DNAH7: variants seen among roughly 807,000 people sequenced by gnomAD.
DNAH7 encodes the protein dynein axonemal heavy chain 7.
A neutral mutation model predicts 444.6 loss-of-function variants in DNAH7; 397 were observed. The observed-to-expected ratio is 0.89, with a 90% CI of 0.82 to 0.97. The LOEUF is 0.97. DNAH7 is among the 50% of genes least tolerant of loss of function. DNAH7 has a pLI of 0.00. For missense variants in DNAH7, 4,902 were observed against 4,800.8 expected (o/e 1.02, Z -0.62); for synonymous variants, 1,636 against 1,624.4 (o/e 1.01, Z -0.17).
At chr2:195,789,173 T>G (rs1165989119) in intron 57 of DNAH7, among the ~76,000 whole-genome samples, 1 of 152,144 alleles carries the variant, frequency 6.6e-6, no homozygotes, top group Non-Finnish European at 1.5e-5. Flanking sequence ...ATAGAATTTT[T>G]TTTTTTAATA....
intron 57 of DNAH7, 44 bp from the exon 58 acceptor site, chr2:195,787,215 T>A (rs1695663675): frequency 6.5e-7 from 1 of 1,532,250 alleles, no homozygotes; most frequent in Admixed American, 2.2e-5. Context: ...TTTCTCCATA[T>A]ATTGCATTAT....
In DNAH7 at chr2:195,957,385, G is replaced by T. The variant is rs771853914; in HGVS notation, c.2954C>A (p.Ala985Asp). ...EILDEWLKVQATWLYLEPIFS... is the reference protein window; with the variant it reads ...EILDEWLKVQDTWLYLEPIFS... ...AATGGGCTCCAGATACAGCCACGTG[G>T]CTTGGACTTTGAGCCATTCATCCAG... The change falls in exon 19 of 65, where the codon GCC becomes GAC. Residue 985 changes from alanine to aspartate, a missense_variant. Physicochemically the swap from Ala to Asp is moderately radical, Grantham distance 126. Coordinates refer to ENST00000312428, the MANE Select transcript of DNAH7 (RefSeq NM_018897.3). 1.9e-6 allele frequency: 3 copies of T among 1,603,230 alleles called. No homozygotes were observed. The highest frequency in any genetic ancestry group is 2.6e-6 in the Non-Finnish European group (3 of 1,172,614).
intron 64 of DNAH7, among the ~76,000 whole-genome samples, chr2:195,738,381 C>A (rs1292528597): frequency 1.3e-5 from 2 of 151,630 alleles, no homozygotes; most frequent in Admixed American, 6.6e-5. Context: ...GCCACAATTA[C>A]CTGGGAAATG....
chr2:195,791,607 T>C (rs566951731), intron 57 of DNAH7, among the ~76,000 whole-genome samples: 6 of 152,270 alleles, frequency 3.9e-5, no homozygotes, highest in South Asian at 4.1e-4. Context: ...CATGAACTCA[T>C]ATATTCTCAG....
chr2:195,858,599 C>G lies in DNAH7; in HGVS notation c.7942G>C (p.Glu2648Gln). ...ATAGCTTGTTCATTCGCTATTGTTT[C>G]ATCAGCTTTCACTATTTTTTCAGTT... ...AKTEKIVKAD[E>Q]TIANEQAMAS... The change falls in exon 43 of 65, where the codon GAA becomes CAA. Residue 2648 changes from glutamate to glutamine, a missense_variant. Glu to Gln is a conservative substitution (Grantham distance 29, BLOSUM62 2). Transcript: ENST00000312428. The G allele has an allele frequency of 6.2e-7, 1 of 1,613,982 alleles. No individual in the cohort carries two copies. The highest frequency in any genetic ancestry group is 8.5e-7 in the Non-Finnish European group (1 of 1,179,944).
Position 195,852,915 on chromosome 2 carries a change from C to CACACAG in DNAH7, c.8781+427_8781+428insCTGTGT, listed in dbSNP as rs1553537158. On this transcript the variant is annotated intron_variant, in intron 46 of 64. Transcript: ENST00000312428. ...GTACACACACACACACACACACACA[C>CACACAG]AGAGAGAGAGAGAGAGAGAGAGAGA... 1.1e-4 allele frequency among the ~76,000 whole-genome samples: 9 copies of CACACAG among 84,696 alleles called. No individual in the cohort carries two copies. The South Asian group carries it at 1.2e-3, about 12-fold the overall frequency. The allele number at this position is 84,696 out of a possible 152,430, so 55.6% of individuals were successfully genotyped here.
At chr2:195,928,764 G>A (rs1247354525) in intron 21 of DNAH7, among the ~76,000 whole-genome samples, 1 of 151,866 alleles carries the variant, frequency 6.6e-6, no homozygotes, top group East Asian at 1.9e-4. Flanking sequence ...AGAAGAGAAA[G>A]AAACAATGGT....
At chr2:195,796,980 T>C (rs192830861) in intron 55 of DNAH7, among the ~76,000 whole-genome samples, 2 of 152,196 alleles carry the variant, frequency 1.3e-5, no homozygotes, top group Admixed American at 1.3e-4. Context: ...TGTAGAGTCT[T>C]TGGTTGTTGA....
chr2:196,067,620 C>T (rs1451688518), intron 1 of DNAH7, among the ~76,000 whole-genome samples: 1 of 152,068 alleles, frequency 6.6e-6, no homozygotes, highest in Non-Finnish European at 1.5e-5. Context: ...GTATTAATTA[C>T]TTATTTGATG....
intron 19 of DNAH7, among the ~76,000 whole-genome samples, chr2:195,947,126 A>G (rs929405707): frequency 6.8e-6 from 1 of 147,908 alleles, no homozygotes; most frequent in African/African-American, 2.5e-5. Flanking sequence ...TTATAATTAT[A>G]TATTATATAT....
chr2:195,953,633 C>G (rs1430725598), intron 19 of DNAH7, among the ~76,000 whole-genome samples: 1 of 152,160 alleles, frequency 6.6e-6, no homozygotes, highest in Admixed American at 6.5e-5. Flanking sequence ...GATGCCCTGC[C>G]CAGAGAGGAG....
At chr2:195,896,670 T>C (rs1251834478) in intron 29 of DNAH7, among the ~76,000 whole-genome samples, 1 of 152,198 alleles carries the variant, frequency 6.6e-6, no homozygotes, top group Non-Finnish European at 1.5e-5. Context: ...TATATTTCCA[T>C]ATTCTGAAAA....
intron 40 of DNAH7, among the ~76,000 whole-genome samples, chr2:195,867,430 AC>A (rs1445712675): frequency 2.6e-5 from 4 of 152,202 alleles, no homozygotes; most frequent in Non-Finnish European, 5.9e-5. Flanking sequence ...TTGATTGCAG[AC>A]TTTTAAAATT....
In DNAH7 at chr2:195,756,203, T is replaced by C. The variant is rs769400555; in HGVS notation, c.11516A>G (p.Lys3839Arg). 2.5e-6 allele frequency: 4 copies of C among 1,613,722 alleles called. No homozygotes were observed. The highest frequency in any genetic ancestry group is 3.4e-6 in the Non-Finnish European group (4 of 1,179,714). ...AAGTGGTTTAAGGCTTGGGTAGGAT[T>C]TACCCATCCACATTTCTGGAATTTT... ...NVKIPEMWMG[K>R]SYPSLKPLGS... The change falls in exon 62 of 65, where the codon AAA becomes AGA. Residue 3839 changes from lysine to arginine, a missense_variant. By Grantham distance (26) the Lys-to-Arg change is conservative. Coordinates refer to ENST00000312428, the MANE Select transcript of DNAH7 (RefSeq NM_018897.3).
intron 62 of DNAH7, among the ~76,000 whole-genome samples, chr2:195,755,099 A>G (rs1452090854): frequency 6.6e-6 from 1 of 152,230 alleles, no homozygotes; most frequent in Non-Finnish European, 1.5e-5. Flanking sequence ...ACGCATTGCT[A>G]CACAATATAT....
intron 2 of DNAH7, among the ~76,000 whole-genome samples, chr2:196,051,833 C>G (rs1335245407): frequency 6.6e-6 from 1 of 152,132 alleles, no homozygotes; most frequent in East Asian, 1.9e-4. Context: ...CCAATCAAAA[C>G]TCGCCAGCTC....
rs183731853 is a variant in DNAH7 at position 195,927,078 on chromosome 2, T to C, written c.3472-512A>G. Among the ~76,000 whole-genome samples the C allele has an allele frequency of 6.4e-4, 97 of 152,230 alleles. No individual in the cohort carries two copies. In the Middle Eastern group the frequency reaches 0.01, roughly 16 times the overall value. ...CCTCACTCCCTCTCAATCCTGTAGT[T>C]TGAAGCCCAAAGCAATGATGACAGA... On this transcript the variant is annotated intron_variant, in intron 21 of 64. Transcript: ENST00000312428.
intron 17 of DNAH7, among the ~76,000 whole-genome samples, chr2:195,962,730 A>G (rs925429066): frequency 7.9e-5 from 12 of 152,254 alleles, no homozygotes; most frequent in African/African-American, 2.9e-4. Context: ...TATTTTTTGT[A>G]CCCACTCAAC....
rs1191386791 is a variant in DNAH7 at position 195,789,032 on chromosome 2, C to T, written c.10717-1861G>A. Among the ~76,000 whole-genome samples, 3 of 152,180 alleles carry T rather than the reference C, an allele frequency of 2.0e-5. No homozygotes were observed. The East Asian group carries it at 5.8e-4, about 29-fold the overall frequency. Reference sequence around the variant, plus strand: ...CCAAACCATGCTCTCTAATGCCATTCTCCATTAAAAGGAAATGGGATTCTT... The same window carrying T: ...CCAAACCATGCTCTCTAATGCCATTTTCCATTAAAAGGAAATGGGATTCTT... On this transcript the variant is annotated intron_variant, in intron 57 of 64. Transcript: ENST00000312428.
Sources: allele counts gnomAD v4.1 joint callset (sites outside exome capture counted in the v4.1 genomes callset), GRCh38; gene constraint gnomAD v4.1.1; transcripts MANE v1.5; gene names NCBI Gene and HGNC (gene_info 2026-07-23, HGNC 2026-07-21).